The following HEPH variants were observed in gnomAD, a reference collection of about 807,000 sequenced individuals.
HEPH encodes hephaestin.
HEPH carries 69 observed loss-of-function variants against 80.8 expected under a neutral mutation model. The observed-to-expected ratio is 0.85, with a 90% CI of 0.70 to 1.04. The LOEUF is 1.04. Among genes scored for constraint, HEPH ranks in the 50% least tolerant of loss-of-function variants. The pLI is 0.00. For missense variants in HEPH, 1,115 were observed against 891.3 expected (o/e 1.25, Z -3.20); for synonymous variants, 431 against 322.8 (o/e 1.34, Z -3.60).
At chrX:66,171,575 T>C (rs1382450350) in intron 2 of HEPH, among the ~76,000 whole-genome samples, 2 of 112,060 alleles carry the variant, frequency 1.8e-5, no homozygotes, top group Middle Eastern at 4.6e-3. Flanking sequence ...CCAAAGTTGA[T>C]TGTAATATCT....
chrX:66,223,875 T>A (rs2089763107), intron 15 of HEPH, among the ~76,000 whole-genome samples: 1 of 112,029 alleles, frequency 8.9e-6, no homozygotes, highest in Admixed American at 9.5e-5. Flanking sequence ...GGAAGCCTAG[T>A]TAGTTTTAAA....
chrX:66,259,636 AT>A (rs1450578077), intron 18 of HEPH, among the ~76,000 whole-genome samples: 1 of 110,898 alleles, frequency 9.0e-6, no homozygotes, highest in South Asian at 3.8e-4. Flanking sequence ...TCTTTGGGAC[AT>A]TTTAAGAGGA....
intron 12 of HEPH, among the ~76,000 whole-genome samples, chrX:66,202,452 C>A (rs1365797811): frequency 9.0e-6 from 1 of 111,562 alleles, no homozygotes; most frequent in Non-Finnish European, 1.9e-5. Context: ...AATTTAGCTT[C>A]TTTTGATCGA....
chrX:66,199,702 C>T (rs926974548), intron 11 of HEPH, among the ~76,000 whole-genome samples: 5 of 111,998 alleles, frequency 4.5e-5, no homozygotes, highest in African/African-American at 1.6e-4. Context: ...TCCATGGCAA[C>T]TGATACTGCA....
chrX:66,187,296 G>A (rs1224747546), intron 4 of HEPH, among the ~76,000 whole-genome samples: 1 of 110,908 alleles, frequency 9.0e-6, no homozygotes, highest in African/African-American at 3.3e-5. Flanking sequence ...TTGCTGGTGA[G>A]CTAGTGTGAT....
At chrX:66,194,027 G>A (rs1229124787) in intron 8 of HEPH, among the ~76,000 whole-genome samples, 1 of 111,487 alleles carries the variant, frequency 9.0e-6, no homozygotes, top group Non-Finnish European at 1.9e-5. Context: ...GCAATCTGGG[G>A]CCAGTAGCAG....
At chrX:66,189,239 C>T (rs965699809) in intron 5 of HEPH, among the ~76,000 whole-genome samples, 3 of 112,203 alleles carry the variant, frequency 2.7e-5, no homozygotes, top group Non-Finnish European at 3.8e-5. Context: ...GATAGCTCAA[C>T]TTTTTCTTGA....
At chrX:66,267,768 G>A (rs1303797897), downstream of HEPH, 11 of 110,963 alleles carry the variant, frequency 9.9e-5, no homozygotes, top group African/African-American at 3.6e-4. Flanking sequence ...CTTATAGGAT[G>A]GAGTCATTCT....
intron 15 of HEPH, among the ~76,000 whole-genome samples, chrX:66,222,922 G>C (rs1181623978): frequency 8.9e-6 from 1 of 112,050 alleles, no homozygotes; most frequent in Non-Finnish European, 1.9e-5. Flanking sequence ...CAATAGAATA[G>C]ATGAAAGAGT....
At position 66,197,490 on chromosome X, in the gene HEPH, G is replaced by A. The variant is rs993186667; in HGVS notation, c.1502-193G>A. 9.8e-5 allele frequency among the ~76,000 whole-genome samples: 11 copies of A among 111,939 alleles called. No homozygotes were observed. In the South Asian group the frequency reaches 2.6e-3, roughly 26 times the overall value. On this transcript the variant is annotated intron_variant, in intron 9 of 20. Transcript: ENST00000343002. Reference sequence around the variant, plus strand: ...TAAATTGCTGCATTTCATATAGCAAGTAATGGAAGAACGAGAAAATAAACT... The same window carrying A: ...TAAATTGCTGCATTTCATATAGCAAATAATGGAAGAACGAGAAAATAAACT...
chrX:66,224,867 CTG>C (rs1212492073), intron 15 of HEPH, among the ~76,000 whole-genome samples: 2 of 109,363 alleles, frequency 1.8e-5, no homozygotes, highest in Non-Finnish European at 3.8e-5. Context: ...CTCTGATTTT[CTG>C]TCTCTTTTTC....
chrX:66,186,042 A>G, intron 4 of HEPH, among the ~76,000 whole-genome samples: 1 of 17,985 alleles, frequency 5.6e-5, no homozygotes, highest in South Asian at 2.3e-3. Flanking sequence ...GACCCACTTG[A>G]GGAGGCAGTC....
At chrX:66,249,790 A>AT (rs1319644958) in intron 15 of HEPH, among the ~76,000 whole-genome samples, 2 of 111,456 alleles carry the variant, frequency 1.8e-5, no homozygotes. Flanking sequence ...GTGTGGAGAG[A>AT]TTCCCAACAA....
chrX:66,233,437 A>T (rs1259562429), intron 15 of HEPH, among the ~76,000 whole-genome samples: 1 of 111,344 alleles, frequency 9.0e-6, no homozygotes, highest in Non-Finnish European at 1.9e-5. Flanking sequence ...TTTGGCTGAG[A>T]GTGTTGCTCT....
At chrX:66,219,166 C>T (rs778438399) in intron 15 of HEPH, among the ~76,000 whole-genome samples, 3 of 111,888 alleles carry the variant, frequency 2.7e-5, no homozygotes, top group Non-Finnish European at 5.6e-5. Flanking sequence ...AGCTTTTTAT[C>T]ATTTGAAGAA....
chrX:66,217,354 G>C (rs1409860779), intron 15 of HEPH, among the ~76,000 whole-genome samples: 7 of 111,778 alleles, frequency 6.3e-5, no homozygotes, highest in Non-Finnish European at 9.4e-5. Context: ...ACCCTACAAA[G>C]TAGAAGGGTT....
intron 6 of HEPH, among the ~76,000 whole-genome samples, chrX:66,190,363 G>T (rs1411394200): frequency 9.0e-6 from 1 of 111,354 alleles, no homozygotes; most frequent in Non-Finnish European, 1.9e-5. Flanking sequence ...TTACACTCTG[G>T]TTGGAACTCA....
At chrX:66,220,688 G>A (rs2089605924) in intron 15 of HEPH, among the ~76,000 whole-genome samples, 1 of 111,527 alleles carries the variant, frequency 9.0e-6, no homozygotes, top group Non-Finnish European at 1.9e-5. Flanking sequence ...ATTAATAACA[G>A]CACAGGCATC....
rs180848868 is a variant in HEPH at position 66,247,038 on chromosome X, G to T, written c.2564-7997G>T. On this transcript the variant is annotated intron_variant, in intron 15 of 20. Coordinates refer to ENST00000343002, the MANE Select transcript of HEPH (RefSeq NM_001367233.3). ...CTCCATGGTCTCAGAGAAGAAATTG[G>T]CTATTAATCTTATTGAGAATTTCTT... Among the ~76,000 whole-genome samples the T allele has an allele frequency of 1.4e-3, 154 of 111,486 alleles. No homozygotes were observed. The Middle Eastern group carries it at 0.032, about 23-fold the overall frequency.
Sources: allele counts gnomAD v4.1 joint callset (sites outside exome capture counted in the v4.1 genomes callset), GRCh38; gene constraint gnomAD v4.1.1; transcripts MANE v1.5; gene names NCBI Gene and HGNC (gene_info 2026-07-23, HGNC 2026-07-21).